The following PCDHGA2 variants were observed in gnomAD, a reference collection of about 807,000 sequenced individuals.
The protein encoded by PCDHGA2 is protocadherin gamma subfamily A, 2.
PCDHGA2 carries 40 observed loss-of-function variants against 59.2 expected under a neutral mutation model. The observed-to-expected ratio is 0.68, with a 90% CI of 0.52 to 0.88. The LOEUF (loss-of-function observed/expected upper bound fraction) is 0.88, where lower values mean the gene tolerates loss of function less well. Among genes scored for constraint, PCDHGA2 ranks in the 40% least tolerant of loss-of-function variants. The pLI is 0.00. For synonymous variants in PCDHGA2, 560 were observed against 526.0 expected, an observed-to-expected ratio of 1.06 and a Z score of -0.89; for missense variants, 1,226 against 1,204.0, an observed-to-expected ratio of 1.02 and a Z score of -0.27.
rs1562052190 is a variant in PCDHGA2, at chr5:141,476,218, CTA to C, written c.2425-18587_2425-18586del. The C allele has an allele frequency of 6.2e-7, 1 of 1,613,984 alleles. No individual in the cohort carries two copies. The highest frequency in any genetic ancestry group is 8.5e-7 in the Non-Finnish European group (1 of 1,180,024). ...TGAACAAGGCTTCCACGGTCATTCA[CTA>C]TGAGATCCCGGAGGAAAGAGAGAAG... On this transcript the variant is annotated intron_variant, in intron 1 of 3. Coordinates refer to ENST00000394576, the MANE Select transcript of PCDHGA2 (RefSeq NM_018915.4). This position sits in a 1 kb window ranked among gnomAD's most constrained non-coding sequence, Gnocchi z 7.6.
At chr5:141,499,686 T>C (rs1400567357) in intron 2 of PCDHGA2, among the ~76,000 whole-genome samples, 2 of 149,346 alleles carry the variant, frequency 1.3e-5, no homozygotes, top group East Asian at 2.0e-4. Context: ...CTTTAACAGA[T>C]GACTTTTTTT....
intron 1 of PCDHGA2, chr5:141,351,617 T>C: frequency 6.2e-7 from 1 of 1,614,030 alleles, no homozygotes; most frequent in Admixed American, 1.7e-5. Flanking sequence ...TCAGGCCTCC[T>C]ATGTGGTCCA....
Position 141,431,141 on chromosome 5 carries a change from G to T in PCDHGA2, c.2425-63666G>T. 1.2e-6 allele frequency: 2 copies of T among 1,614,212 alleles called. No homozygotes were observed. Among genetic ancestry groups the T allele is most frequent in the South Asian group, 1.1e-5 (1 of 91,084 alleles). On this transcript the variant is annotated intron_variant, in intron 1 of 3. Coordinates refer to ENST00000394576, the MANE Select transcript of PCDHGA2 (RefSeq NM_018915.4). This position sits in a 1 kb window ranked among gnomAD's most constrained non-coding sequence, Gnocchi z 4.8. ...AGAAGTAGAAGTAAGGGACATTAACGACAATGCGCCTTACTTTCGTGAAAG... is the reference window on the plus strand; with the variant it reads ...AGAAGTAGAAGTAAGGGACATTAACTACAATGCGCCTTACTTTCGTGAAAG...
intron 1 of PCDHGA2, among the ~76,000 whole-genome samples, chr5:141,462,009 G>C (rs2099028674): frequency 6.6e-6 from 1 of 152,190 alleles, no homozygotes; most frequent in Non-Finnish European, 1.5e-5. Flanking sequence ...TTTTAATAGA[G>C]ACGGGGTTTC....
At chr5:141,395,004 A>T (rs2093147678) in intron 1 of PCDHGA2, 3 of 1,614,010 alleles carry the variant, frequency 1.9e-6, no homozygotes, top group Non-Finnish European at 2.5e-6. Context: ...TTCCGGTGGC[A>T]GATTGGTAGG....
chr5:141,415,149 C>T, intron 1 of PCDHGA2: 1 of 1,613,796 alleles, frequency 6.2e-7, no homozygotes, highest in Middle Eastern at 1.6e-4. Context: ...AGCCCCCTCT[C>T]TCCGCCACTG....
Position 141,378,772 on chromosome 5 carries a change from A to G in PCDHGA2, c.2424+37377A>G, listed in dbSNP as rs1588863408. 6 of 152,352 alleles carry G rather than the reference A, an allele frequency of 3.9e-5. No individual in the cohort carries two copies. The South Asian group carries it at 1.2e-3, about 32-fold the overall frequency. 9.4% of individuals were successfully genotyped at this position (152,352 alleles called of 1,614,324 possible). A position where few individuals can be genotyped will look rare whatever the true frequency, so the allele number is the denominator to read the frequency against. ...AAAGGGATTATCATTTAGAAGACTG[A>G]TTAGTCTTATTTATTATGACTGAAA... On this transcript the variant is annotated intron_variant, in intron 1 of 3. Transcript: ENST00000394576.
At chr5:141,410,736 A>G (rs553799279) in intron 1 of PCDHGA2, 1 of 1,334,690 alleles carries the variant, frequency 7.5e-7, no homozygotes, top group East Asian at 2.4e-5. Flanking sequence ...ATAGCTTTTT[A>G]CAATATTTTC....
chr5:141,416,699 T>C (rs1232694721), intron 1 of PCDHGA2: 1 of 152,092 alleles, frequency 6.6e-6, no homozygotes, highest in Non-Finnish European at 1.5e-5. Context: ...AAACAAAGGA[T>C]CATTGGAGGT....
intron 1 of PCDHGA2, chr5:141,345,178 T>C: frequency 6.2e-7 from 1 of 1,613,884 alleles, no homozygotes; most frequent in South Asian, 1.1e-5. Context: ...AATGGGCAGG[T>C]TGAAGTTTTT....
Position 141,476,889 on chromosome 5 carries a change from C to T in PCDHGA2, c.2425-17918C>T. ...CGGGCGCGCGTCCTGGAGGATGCAC[C>T]CTCCGGCACGCGCGTGGTACAAGTC... is the stretch of plus-strand genomic sequence containing the variant. On this transcript the variant is annotated intron_variant, in intron 1 of 3. Transcript: ENST00000394576. This position sits in a 1 kb window ranked among gnomAD's most constrained non-coding sequence, Gnocchi z 7.6. 6.2e-7 allele frequency: 1 copy of T among 1,613,960 alleles called. No individual in the cohort carries two copies. The highest frequency in any genetic ancestry group is 8.5e-7 in the Non-Finnish European group (1 of 1,180,034).
chr5:141,374,622 T>A, intron 1 of PCDHGA2: 3 of 1,613,470 alleles, frequency 1.9e-6, no homozygotes, highest in Non-Finnish European at 2.5e-6. Context: ...CACTTCTCAG[T>A]GGACGTGCAA....
chr5:141,351,854 G>A (rs775230901), intron 1 of PCDHGA2: 7 of 1,613,246 alleles, frequency 4.3e-6, no homozygotes, highest in Middle Eastern at 3.3e-4. Flanking sequence ...GCAGGCCAGG[G>A]ACCAGGGCTC....
chr5:141,485,134 C>G lies in PCDHGA2; in HGVS notation c.2425-9673C>G, dbSNP rs967744072. 1.3e-6 allele frequency: 2 copies of G among 1,495,962 alleles called. No individual in the cohort carries two copies. Among genetic ancestry groups the G allele is most frequent in the South Asian group, 2.4e-5 (2 of 84,482 alleles). 92.7% of individuals were successfully genotyped at this position (1,495,962 alleles called of 1,614,324 possible). ...CTGTTTGGGGCGGGTCGGCTTCATC[C>G]GCGTCTCAGGAGCAAGTAGAGAATT... On this transcript the variant is annotated intron_variant, in intron 1 of 3. Transcript: ENST00000394576. The surrounding 1 kb of genome is among the most constrained non-coding windows in gnomAD (Gnocchi z 5.7).
chr5:141,354,181 A>C (rs1759487714), intron 1 of PCDHGA2, among the ~76,000 whole-genome samples: 1 of 152,174 alleles, frequency 6.6e-6, no homozygotes, highest in Non-Finnish European at 1.5e-5. Flanking sequence ...TATTATCTGC[A>C]CTTTATAGTT....
At chr5:141,365,599 C>T (rs368039042) in intron 1 of PCDHGA2, 3 of 1,613,520 alleles carry the variant, frequency 1.9e-6, no homozygotes, top group Admixed American at 1.7e-5. Flanking sequence ...TCACTTTAAC[C>T]GTCATGGACC....
intron 1 of PCDHGA2, among the ~76,000 whole-genome samples, chr5:141,465,779 GT>G (rs879859429): frequency 5.2e-4 from 76 of 145,138 alleles, no homozygotes; most frequent in South Asian, 1.1e-3. Flanking sequence ...TCTTGTTACA[GT>G]TTTTTTTTTT....
rs769078532 is a variant in PCDHGA2 at position 141,351,045 on chromosome 5, T to C, written c.2424+9650T>C. ...TGGGGAACCTCCGTGCTGCGGGTGA[T>C]GGCCACAGACCAGGATGAGGGCATT... is the stretch of plus-strand genomic sequence containing the variant. On this transcript the variant is annotated intron_variant, in intron 1 of 3. Coordinates refer to ENST00000394576, the MANE Select transcript of PCDHGA2 (RefSeq NM_018915.4). 5.6e-6 allele frequency: 9 copies of C among 1,613,972 alleles called. No homozygotes were observed. The Middle Eastern group carries it at 6.6e-4, about 118-fold the overall frequency.
Position 141,376,694 on chromosome 5 carries a change from T to A in PCDHGA2, c.2424+35299T>A, listed in dbSNP as rs77365062. On this transcript the variant is annotated intron_variant, in intron 1 of 3. Coordinates refer to ENST00000394576, the MANE Select transcript of PCDHGA2 (RefSeq NM_018915.4). Reference sequence around the variant, plus strand: ...GGGTATCGTTTTTTTTTTTTTTTTTTTTTGAGACGGAGTCTCGCTCTGTCG... The same window carrying A: ...GGGTATCGTTTTTTTTTTTTTTTTTATTTGAGACGGAGTCTCGCTCTGTCG... The A allele has an allele frequency of 5.1e-6, 4 of 779,702 alleles. 1 individual carries two copies. The highest frequency in any genetic ancestry group is 3.9e-6 in the Non-Finnish European group (2 of 515,410). 48.3% of individuals were successfully genotyped at this position (779,702 alleles called of 1,614,324 possible).
Sources: allele counts gnomAD v4.1 joint callset (sites outside exome capture counted in the v4.1 genomes callset), GRCh38; gene constraint gnomAD v4.1.1; non-coding constraint Gnocchi (gnomAD v3.1); transcripts MANE v1.5; gene names NCBI Gene and HGNC (gene_info 2026-07-23, HGNC 2026-07-21).